Variants in WWOX observed in about 807,000 individuals in gnomAD.
WWOX encodes WW domain-containing oxidoreductase.
WWOX carries 69 observed loss-of-function variants against 46.2 expected under a neutral mutation model. The observed-to-expected ratio is 1.49, with a 90% CI of 1.23 to 1.82. The LOEUF (loss-of-function observed/expected upper bound fraction) is 1.82. Ranked by LOEUF, WWOX falls within the 40% of genes most tolerant of loss-of-function variation. The pLI is 0.00. For missense variants in WWOX, 919 were observed against 542.6 expected (o/e 1.69, Z -6.89); for synonymous variants, 359 against 202.6 (o/e 1.77, Z -6.56).
intron 4 of WWOX, among the ~76,000 whole-genome samples, chr16:78,154,926 T>C (rs1029462212): frequency 1.1e-4 from 16 of 152,144 alleles, no homozygotes. Flanking sequence ...GAGCATCAAG[T>C]GCCTGCAGTG....
At chr16:79,079,914 A>G (rs1300934535) in intron 8 of WWOX, among the ~76,000 whole-genome samples, 2 of 151,560 alleles carry the variant, frequency 1.3e-5, no homozygotes, top group African/African-American at 4.9e-5. Context: ...ATAAGCGGAA[A>G]GATCCTCAAG....
At chr16:78,105,095 G>T (rs547732342) in intron 1 of WWOX, among the ~76,000 whole-genome samples, 19 of 152,322 alleles carry the variant, frequency 1.2e-4, no homozygotes, top group African/African-American at 4.6e-4. Flanking sequence ...GCTTTCTGTT[G>T]CCACAGCTAT....
At chr16:78,798,653 A>G (rs1435658745) in intron 8 of WWOX, among the ~76,000 whole-genome samples, 3 of 151,088 alleles carry the variant, frequency 2.0e-5, no homozygotes, top group Non-Finnish European at 2.9e-5. Context: ...CTCGAAACAT[A>G]TATATTTTTA....
At chr16:78,743,882 C>T (rs1389474893) in intron 8 of WWOX, among the ~76,000 whole-genome samples, 1 of 152,152 alleles carries the variant, frequency 6.6e-6, no homozygotes, top group Non-Finnish European at 1.5e-5. Context: ...GGTATTTAAA[C>T]CCCAGAAAAT....
intron 8 of WWOX, among the ~76,000 whole-genome samples, chr16:79,015,707 A>G (rs950844013): frequency 2.0e-5 from 3 of 152,184 alleles, no homozygotes; most frequent in Middle Eastern, 3.4e-3. Context: ...TATCTTTTCC[A>G]AAATGGGCTG....
At chr16:79,175,751 C>T (rs1045270021) in intron 8 of WWOX, among the ~76,000 whole-genome samples, 1 of 152,170 alleles carries the variant, frequency 6.6e-6, no homozygotes, top group African/African-American at 2.4e-5. Flanking sequence ...TTCAGAGTTA[C>T]TCATACGACT....
chr16:78,566,121 C>T (rs2044558529), intron 8 of WWOX, among the ~76,000 whole-genome samples: 1 of 152,068 alleles, frequency 6.6e-6, no homozygotes, highest in Admixed American at 6.6e-5. Flanking sequence ...CTTTGTGTGT[C>T]CTCTCATGGC....
chr16:78,368,161 T>C (rs906201492), intron 5 of WWOX, among the ~76,000 whole-genome samples: 3 of 152,238 alleles, frequency 2.0e-5, no homozygotes, highest in African/African-American at 7.2e-5. Context: ...AAGGGCTCAG[T>C]AGCGTAGAAT....
At chr16:78,422,071 A>T (rs1257116317) in intron 6 of WWOX, among the ~76,000 whole-genome samples, 1 of 152,206 alleles carries the variant, frequency 6.6e-6, no homozygotes, top group Non-Finnish European at 1.5e-5. Context: ...CGTGTTAAAT[A>T]TTGCAATGGT....
intron 8 of WWOX, among the ~76,000 whole-genome samples, chr16:78,860,450 G>C (rs74035127): frequency 1.3e-5 from 2 of 152,046 alleles, no homozygotes; most frequent in African/African-American, 4.8e-5. Flanking sequence ...CAATGAATTG[G>C]CTAGACTTTG....
intron 8 of WWOX, among the ~76,000 whole-genome samples, chr16:78,637,778 T>G (rs1236797127): frequency 6.6e-6 from 1 of 152,130 alleles, no homozygotes; most frequent in Non-Finnish European, 1.5e-5. Flanking sequence ...TGGAGGGATG[T>G]GTAGGGGACC....
chr16:78,899,733 G>C (rs149491422), intron 8 of WWOX: 1 of 152,280 alleles, frequency 6.6e-6, no homozygotes, highest in African/African-American at 2.4e-5. Flanking sequence ...AAAAGTTTAA[G>C]GAGATCTCTG....
At chr16:78,327,869 A>ATTTTTTT (rs762650030) in intron 5 of WWOX, among the ~76,000 whole-genome samples, 1 of 81,082 alleles carries the variant, frequency 1.2e-5, no homozygotes, top group Non-Finnish European at 2.2e-5. Context: ...ATGAGTCCTG[A>ATTTTTTT]TTTTTTTTTT....
rs933057626 is a variant in WWOX at position 78,338,745 on chromosome 16, T to C, written c.517-48115T>C. Among the ~76,000 whole-genome samples, 7 of 121,662 alleles carry C rather than the reference T, an allele frequency of 5.8e-5. 3 individuals are homozygous for C. Among genetic ancestry groups the C allele is most frequent in the Non-Finnish European group, 1.4e-4 (7 of 50,798 alleles). The allele number at this position is 121,662 out of a possible 152,430, so 79.8% of individuals were successfully genotyped here. On this transcript the variant is annotated intron_variant, in intron 5 of 8. Transcript: ENST00000566780. Reference sequence around the variant, plus strand: ...CTACATGTTTACAAGTTACCGCCTTTTTATTTCTTCTCTTTTTCTGTTTTC... The same window carrying C: ...CTACATGTTTACAAGTTACCGCCTTCTTATTTCTTCTCTTTTTCTGTTTTC...
chr16:78,995,355 G>T (rs2046969482), intron 8 of WWOX, among the ~76,000 whole-genome samples: 1 of 152,118 alleles, frequency 6.6e-6, no homozygotes, highest in Admixed American at 6.5e-5. Flanking sequence ...TCCCTGAGAA[G>T]TGTGCCTGTG....
intron 8 of WWOX, among the ~76,000 whole-genome samples, chr16:79,188,760 G>A (rs148243129): frequency 3.9e-5 from 6 of 152,182 alleles, no homozygotes; most frequent in Non-Finnish European, 8.8e-5. Flanking sequence ...AGTTCTCCTC[G>A]AAATCCACAT....
Position 78,941,599 on chromosome 16 carries a change from G to A in WWOX, c.1057-270009G>A, listed in dbSNP as rs79407453. On this transcript the variant is annotated intron_variant, in intron 8 of 8. Coordinates refer to ENST00000566780, the MANE Select transcript of WWOX (RefSeq NM_016373.4). Reference sequence around the variant, plus strand: ...AATGGCATTATCTTCCCACAGTGAGGTACACCTTTCATAAATCATAGGAGA... The same window carrying A: ...AATGGCATTATCTTCCCACAGTGAGATACACCTTTCATAAATCATAGGAGA... Among the ~76,000 whole-genome samples the A allele has an allele frequency of 4.2e-3, 646 of 152,110 alleles. 2 individuals are homozygous for A. Among genetic ancestry groups the A allele is most frequent in the Admixed American group, 7.7e-3 (117 of 15,282 alleles).
Position 79,211,510 on chromosome 16 carries a change from G to C in WWOX, c.1057-98G>C, listed in dbSNP as rs1325621741. ...CCAAGATCCAGCTGAAACTGAACCA[G>C]GTGGGGGAGGCCTGCTAATGCCCAG... On this transcript the variant is annotated intron_variant, in intron 8 of 8. Transcript: ENST00000566780. 2.0e-6 allele frequency: 3 copies of C among 1,507,708 alleles called. No individual in the cohort carries two copies. In the East Asian group the frequency reaches 7.0e-5, roughly 35 times the overall value. 93.4% of individuals were successfully genotyped at this position (1,507,708 alleles called of 1,614,324 possible). A position where few individuals can be genotyped will look rare whatever the true frequency, so the allele number is the denominator to read the frequency against.
At chr16:78,545,970 C>G (rs2151534682) in intron 8 of WWOX, among the ~76,000 whole-genome samples, 1 of 152,270 alleles carries the variant, frequency 6.6e-6, no homozygotes, top group South Asian at 2.1e-4. Flanking sequence ...TCTTGAAATA[C>G]AGTCACATGG....
Sources: gnomAD v4.1 joint callset for allele counts (sites outside exome capture counted in the v4.1 genomes callset) on GRCh38, gnomAD v4.1.1 for gene constraint, MANE v1.5 for transcripts, NCBI Gene and HGNC (gene_info 2026-07-23, HGNC 2026-07-21) for gene names.